Variants in TTC3 observed in about 807,000 individuals in gnomAD.
TTC3 encodes tetratricopeptide repeat domain 3.
A neutral mutation model predicts 249.6 loss-of-function variants in TTC3; 180 were observed. The ratio of observed to expected loss-of-function variants is 0.72; its 90% CI spans 0.64 to 0.82. The LOEUF (loss-of-function observed/expected upper bound fraction) is 0.82, where lower values mean the gene tolerates loss of function less well. TTC3 is among the 40% of genes least tolerant of loss of function. The pLI is 0.00. For synonymous variants in TTC3, 717 were observed against 805.0 expected, an observed-to-expected ratio of 0.89 and a Z score of 1.85; for missense variants, 2,061 against 2,398.4, an observed-to-expected ratio of 0.86 and a Z score of 2.94.
chr21:37,163,018 C>T (rs984997673), intron 31 of TTC3, among the ~76,000 whole-genome samples: 3 of 152,220 alleles, frequency 2.0e-5, no homozygotes, highest in African/African-American at 4.8e-5. Flanking sequence ...AACACCATCA[C>T]ATTGGTGATT....
intron 11 of TTC3, chr21:37,121,383 C>T (rs1940169090): frequency 6.4e-6 from 1 of 156,582 alleles, no homozygotes; most frequent in Admixed American, 6.5e-5. Flanking sequence ...TTCCATCCAG[C>T]TCTAAAAACT....
chr21:37,104,364 A>G (rs2074839455), intron 10 of TTC3, among the ~76,000 whole-genome samples: 1 of 151,960 alleles, frequency 6.6e-6, no homozygotes, highest in Non-Finnish European at 1.5e-5. Flanking sequence ...CCGAGGTGGG[A>G]GGATCACCAG....
At chr21:37,142,895 G>A (rs928617015) in intron 20 of TTC3, among the ~76,000 whole-genome samples, 19 of 152,174 alleles carry the variant, frequency 1.2e-4, no homozygotes, top group Admixed American at 3.9e-4. Flanking sequence ...TACCAAAACA[G>A]AGATATAGAC....
intron 7 of TTC3, among the ~76,000 whole-genome samples, chr21:37,092,737 G>T (rs1018389806): frequency 2.6e-5 from 4 of 151,828 alleles, no homozygotes; most frequent in Admixed American, 6.5e-5. Context: ...TAAATTTTAG[G>T]TGCTCTTTTC....
exon 44 of TTC3, chr21:37,197,965 G>A: frequency 1.9e-6 from 3 of 1,614,018 alleles, no homozygotes; most frequent in Non-Finnish European, 2.5e-6. Context: ...CACCCTCGGT[G>A]GTTGTTGCAC....
chr21:37,158,303 C>A, intron 28 of TTC3: 1 of 701,212 alleles, frequency 1.4e-6, no homozygotes, highest in Non-Finnish European at 1.8e-6. Context: ...TCTCAGCATA[C>A]ACTCGTCCTT....
At chr21:37,181,684 A>T (rs529030139) in intron 35 of TTC3, among the ~76,000 whole-genome samples, 84 of 152,352 alleles carry the variant, frequency 5.5e-4, no homozygotes, top group African/African-American at 2.0e-3. Context: ...ATCTTAAAGG[A>T]CCTTGACTGG....
chr21:37,089,026 G>A (rs2835586), intron 5 of TTC3, 140 bp downstream of exon 5: 319,601 of 663,712 alleles, frequency 0.48, 78,944 homozygotes, highest in Non-Finnish European at 0.52. Flanking sequence ...TAAATCTGCT[G>A]TCCATCAGTG....
exon 36 of TTC3, chr21:37,182,833 G>C (rs770045736): frequency 6.3e-7 from 1 of 1,592,074 alleles, no homozygotes; most frequent in East Asian, 2.3e-5. Flanking sequence ...TTAAAAAATG[G>C]CAACAGGAAA....
intron 28 of TTC3, 175 bp downstream of exon 28, chr21:37,157,081 C>G: frequency 2.2e-6 from 3 of 1,356,054 alleles, no homozygotes; most frequent in Non-Finnish European, 3.0e-6. Flanking sequence ...TATCATGAAG[C>G]TTTTTTACTT....
intron 41 of TTC3, among the ~76,000 whole-genome samples, chr21:37,193,297 G>A (rs2148217680): frequency 6.6e-6 from 1 of 152,024 alleles, no homozygotes; most frequent in East Asian, 1.9e-4. Context: ...ATCTCAGCCT[G>A]GCCTTGAATG....
At chr21:37,142,617 A>C (rs2078586999) in intron 20 of TTC3, among the ~76,000 whole-genome samples, 1 of 152,228 alleles carries the variant, frequency 6.6e-6, no homozygotes, top group Admixed American at 6.5e-5. Context: ...AAATGGAAGA[A>C]CATTCCATGC....
At position 37,148,650 on chromosome 21, in the gene TTC3, A is replaced by G; in HGVS notation, c.2118+3A>G. 6.4e-7 allele frequency: 1 copy of G among 1,561,540 alleles called. No homozygotes were observed. Among genetic ancestry groups the G allele is most frequent in the Non-Finnish European group, 8.7e-7 (1 of 1,153,822 alleles). On this transcript the variant is annotated splice_donor_region_variant and intron_variant, in intron 23 of 45. Transcript: ENST00000355666. ...CCTTTAATGATAAAATTGACAAGGT[A>G]AAGCATAACAGGATTGTCTGAATTT...
At chr21:37,103,071 A>T (rs2074672682) in intron 10 of TTC3, among the ~76,000 whole-genome samples, 1 of 152,222 alleles carries the variant, frequency 6.6e-6, no homozygotes, top group Non-Finnish European at 1.5e-5. Flanking sequence ...CTCCCTCACC[A>T]TTAGATAAAT....
chr21:37,140,489 A>G (rs2078342949), intron 19 of TTC3, 72 bp from the exon 20 acceptor site: 1 of 1,074,680 alleles, frequency 9.3e-7, no homozygotes, highest in Non-Finnish European at 1.3e-6. Context: ...AAAAAAAATC[A>G]ACCTTTAGAT....
intron 10 of TTC3, among the ~76,000 whole-genome samples, chr21:37,102,580 T>C (rs1758961513): frequency 6.6e-6 from 1 of 152,208 alleles, no homozygotes; most frequent in African/African-American, 2.4e-5. Flanking sequence ...AATGTGGTTT[T>C]TAGAAATAAT....
intron 9 of TTC3, 59 bp downstream of exon 9, chr21:37,095,503 A>G: frequency 8.9e-7 from 1 of 1,119,436 alleles, no homozygotes; most frequent in Non-Finnish European, 1.3e-6. Flanking sequence ...TTAGAATGGT[A>G]GTCAGAAGAA....
At chr21:37,185,537 C>T (rs1299453500) in intron 36 of TTC3, among the ~76,000 whole-genome samples, 169 bp from the exon 37 acceptor site, 6 of 151,758 alleles carry the variant, frequency 4.0e-5, no homozygotes, top group African/African-American at 1.5e-4. Context: ...GGGAAATGAC[C>T]TCAAATTATT....
intron 44 of TTC3, among the ~76,000 whole-genome samples, 171 bp downstream of exon 44, chr21:37,198,196 C>T (rs1241642905): frequency 3.9e-5 from 6 of 152,084 alleles, no homozygotes; most frequent in Non-Finnish European, 8.8e-5. Context: ...AGTGAATGGC[C>T]GAGGTCATGG....
Sources: allele counts gnomAD v4.1 joint callset (sites outside exome capture counted in the v4.1 genomes callset), GRCh38; gene constraint gnomAD v4.1.1; transcripts MANE v1.5; gene names NCBI Gene and HGNC (gene_info 2026-07-23, HGNC 2026-07-21).